The following CPSF3 variants were observed in gnomAD, a reference collection of about 807,000 sequenced individuals.
CPSF3 encodes the protein cleavage and polyadenylation specific factor 3.
A neutral mutation model predicts 84.1 loss-of-function variants in CPSF3; 57 were observed. That is an observed-to-expected ratio of 0.68 (90% CI 0.55 to 0.85). CPSF3 has a LOEUF of 0.85. Among genes scored for constraint, CPSF3 ranks in the 40% least tolerant of loss-of-function variants. The pLI is 0.00. For synonymous variants in CPSF3, 275 were observed against 278.1 expected, an observed-to-expected ratio of 0.99 and a Z score of 0.11; for missense variants, 522 against 838.8, an observed-to-expected ratio of 0.62 and a Z score of 4.66.
At chr2:9,471,835 C>T (rs1030226546) in intron 17 of CPSF3, among the ~76,000 whole-genome samples, 1 of 151,652 alleles carries the variant, frequency 6.6e-6, no homozygotes, top group African/African-American at 2.4e-5. Flanking sequence ...AACCCCATCT[C>T]TACTAAAAAA....
chr2:9,448,470 T>A, intron 11 of CPSF3, 120 bp downstream of exon 11: 1 of 815,200 alleles, frequency 1.2e-6, no homozygotes, highest in Non-Finnish European at 1.9e-6. Flanking sequence ...CTTGTTACAC[T>A]ACAGGAATTT....
rs1215926443 is a variant in CPSF3 at position 9,443,730 on chromosome 2, G to C, written c.1242+69G>C. ...TGCATACCCAGGAAACTGTGCAGCA[G>C]GCAGTTCACAAAGCAGGCATCATCA... On this transcript the variant is annotated intron_variant, in intron 10 of 17. Coordinates refer to ENST00000238112, the MANE Select transcript of CPSF3 (RefSeq NM_016207.4). The C allele has an allele frequency of 3.2e-6, 5 of 1,548,550 alleles. No homozygotes were observed. In the Admixed American group the frequency reaches 5.3e-5, roughly 16 times the overall value.
chr2:9,466,346 GCGCGCGCACACACACA>G (rs1558466558), intron 15 of CPSF3, among the ~76,000 whole-genome samples: 33 of 90,086 alleles, frequency 3.7e-4, no homozygotes, highest in Non-Finnish European at 5.0e-4. Flanking sequence ...ACACACGCGC[GCGCGCGCACACACACA>G]CGCACACACC....
chr2:9,465,914 C>G (rs1681891048), intron 15 of CPSF3, among the ~76,000 whole-genome samples: 1 of 152,080 alleles, frequency 6.6e-6, no homozygotes, highest in Non-Finnish European at 1.5e-5. Context: ...AAATTCTGCA[C>G]TACTCTTTGT....
At chr2:9,425,364 G>A (rs1188959390) in intron 1 of CPSF3, among the ~76,000 whole-genome samples, 1 of 152,180 alleles carries the variant, frequency 6.6e-6, no homozygotes, top group Non-Finnish European at 1.5e-5. Context: ...TGGATATTGT[G>A]GGAATTATGT....
At chr2:9,455,617 A>G in intron 12 of CPSF3, 42 bp from the exon 13 acceptor site, 1 of 1,343,980 alleles carries the variant, frequency 7.4e-7, no homozygotes, top group Non-Finnish European at 1.1e-6. Flanking sequence ...TGTGTTTTGT[A>G]GGACTAGTAT....
rs543727439 is a variant in CPSF3, at chr2:9,459,638, CTTTTTTTTTTTTTTTT to C, written c.1786+33_1786+48del. On this transcript the variant is annotated intron_variant, in intron 15 of 17. Transcript: ENST00000238112. ...GAAAAGGTAAGAGTTCATTTTTATC[CTTTTTTTTTTTTTTTT>C]TTTTTTTTTTTTGGAGACGGATACT... 67 of 310,480 alleles carry C rather than the reference CTTTTTTTTTTTTTTTT, an allele frequency of 2.2e-4. No homozygotes were observed. The highest frequency in any genetic ancestry group is 8.2e-4 in the Middle Eastern group (1 of 1,216). The allele number at this position is 310,480 out of a possible 1,614,324, so 19.2% of individuals were successfully genotyped here. A position where few individuals can be genotyped will look rare whatever the true frequency, so the allele number is the denominator to read the frequency against.
Position 9,455,716 on chromosome 2 carries a change from G to T in CPSF3, c.1562G>T (p.Gly521Val). 5 of 1,613,996 alleles carry T rather than the reference G, an allele frequency of 3.1e-6. No homozygotes were observed. The highest frequency in any genetic ancestry group is 3.4e-6 in the Non-Finnish European group (4 of 1,179,952). ...CAGACCCAAGCCATTCCATATACTG[G>T]TCCCTTTAATTTGCTCTGTTACCAG... ...VKQTQAIPYT[G>V]PFNLLCYQLQ... The change falls in exon 13 of 18, where the codon GGT (glycine) becomes GTT (valine). Residue 521 changes from glycine to valine, a missense_variant. Gly to Val is a moderately radical substitution (Grantham distance 109). This residue lies in a region of CPSF3 where 193 missense variants were observed against 231.6 expected (regional missense o/e 0.83). Transcript: ENST00000238112.
intron 3 of CPSF3, among the ~76,000 whole-genome samples, chr2:9,430,539 CT>C (rs768868385): frequency 1.2e-4 from 19 of 152,260 alleles, no homozygotes; most frequent in Admixed American, 3.9e-4. Context: ...AAGTTTTTTG[CT>C]GTTTAAAAAC....
intron 15 of CPSF3, among the ~76,000 whole-genome samples, chr2:9,461,844 C>T (rs1193436736): frequency 6.7e-6 from 1 of 150,134 alleles, no homozygotes; most frequent in Non-Finnish European, 1.5e-5. Flanking sequence ...TCACTGCAAC[C>T]TCTGCCTCCC....
intron 15 of CPSF3, among the ~76,000 whole-genome samples, chr2:9,461,436 G>T (rs1036779190): frequency 6.6e-6 from 1 of 152,126 alleles, no homozygotes. Flanking sequence ...ACTGAGGTGG[G>T]TGGATCCCTT....
chr2:9,466,357 CA>C (rs1474392738), intron 15 of CPSF3, among the ~76,000 whole-genome samples: 4 of 149,438 alleles, frequency 2.7e-5, no homozygotes, highest in African/African-American at 7.4e-5. Flanking sequence ...CGCGCGCACA[CA>C]CACACGCACA....
intron 2 of CPSF3, 57 bp from the exon 3 acceptor site, chr2:9,429,864 CCG>C: frequency 8.6e-7 from 1 of 1,167,486 alleles, no homozygotes; most frequent in Non-Finnish European, 1.2e-6. Flanking sequence ...TGCCTATTTG[CCG>C]AATGAATTTT....
At chr2:9,441,201 T>C (rs756303445) in intron 8 of CPSF3, among the ~76,000 whole-genome samples, 11 of 152,250 alleles carry the variant, frequency 7.2e-5, no homozygotes, top group Non-Finnish European at 1.3e-4. Context: ...CTGGAAGCAT[T>C]CAATAAAATC....
In CPSF3 at chr2:9,443,694, G is replaced by A. The variant is rs765560854; in HGVS notation, c.1242+33G>A. 1.9e-6 allele frequency: 3 copies of A among 1,562,994 alleles called. No individual in the cohort carries two copies. In the African/African-American group the frequency reaches 4.5e-5, roughly 23 times the overall value. On this transcript the variant is annotated intron_variant, in intron 10 of 17. Coordinates refer to ENST00000238112, the MANE Select transcript of CPSF3 (RefSeq NM_016207.4). ...TATGAATTTCATTTATTGTATTAAA[G>A]GGAAAAAAAGTGCATACCCAGGAAA...
intron 11 of CPSF3, among the ~76,000 whole-genome samples, chr2:9,451,447 G>T (rs1489957392): frequency 1.3e-5 from 2 of 152,086 alleles, no homozygotes; most frequent in Admixed American, 1.3e-4. Context: ...TTTATTTGCA[G>T]TTGAGAGAAG....
chr2:9,437,652 C>G (rs1233693309), intron 7 of CPSF3, among the ~76,000 whole-genome samples: 1 of 152,212 alleles, frequency 6.6e-6, no homozygotes, highest in Non-Finnish European at 1.5e-5. Context: ...TTCTACCTCA[C>G]ATTCGGTGAT....
At chr2:9,429,762 A>G (rs550269501) in intron 2 of CPSF3, among the ~76,000 whole-genome samples, 161 bp from the exon 3 acceptor site, 1 of 152,364 alleles carries the variant, frequency 6.6e-6, no homozygotes, top group Non-Finnish European at 1.5e-5. Flanking sequence ...AGAATTGTTA[A>G]TGGCATATTT....
chr2:9,424,176 C>T (rs1039404152), intron 1 of CPSF3: 1 of 1,036,280 alleles, frequency 9.6e-7, no homozygotes, highest in Non-Finnish European at 1.2e-6. Flanking sequence ...GTGAGGGAGC[C>T]GGTGAAGCTT....
Sources: gnomAD v4.1 joint callset for allele counts (sites outside exome capture counted in the v4.1 genomes callset) on GRCh38, gnomAD v4.1.1 for gene constraint, gnomAD v4.1.1 regional missense constraint, MANE v1.5 for transcripts, NCBI Gene and HGNC (gene_info 2026-07-23, HGNC 2026-07-21) for gene names.